PDZD2: variants seen among roughly 807,000 people sequenced by gnomAD.
PDZD2 encodes PDZ domain-containing protein 2.
Under a neutral mutation model 220.7 loss-of-function variants are expected in PDZD2, and 90 were observed. The observed-to-expected ratio is 0.41, with a 90% CI of 0.34 to 0.49. The LOEUF (loss-of-function observed/expected upper bound fraction) is 0.49, where lower values mean the gene tolerates loss of function less well. Among genes scored for constraint, PDZD2 ranks in the 20% least tolerant of loss-of-function variants. The pLI is 0.28. For missense variants in PDZD2, 3,174 were observed against 3,608.5 expected, an observed-to-expected ratio of 0.88 and a Z score of 3.08; for synonymous variants, 1,375 against 1,450.5, an observed-to-expected ratio of 0.95 and a Z score of 1.18.
At chr5:32,050,802 TAGAGTG>T (rs766522205) in intron 8 of PDZD2, among the ~76,000 whole-genome samples, 9 of 152,164 alleles carry the variant, frequency 5.9e-5, no homozygotes, top group Non-Finnish European at 1.3e-4. Flanking sequence ...GCCTAGGTGA[TAGAGTG>T]AGAGACTCTG....
At chr5:31,868,947 A>G (rs1390046392) in intron 2 of PDZD2, among the ~76,000 whole-genome samples, 1 of 151,020 alleles carries the variant, frequency 6.6e-6, no homozygotes, top group East Asian at 1.9e-4. Flanking sequence ...TAATTTTTGT[A>G]TTTTTAGCAG....
intron 7 of PDZD2, among the ~76,000 whole-genome samples, chr5:32,046,254 T>A (rs1737950481): frequency 6.6e-6 from 1 of 152,068 alleles, no homozygotes; most frequent in African/African-American, 2.4e-5. Flanking sequence ...TTTGTTTTTG[T>A]TTTTTTGAGA....
chr5:31,885,726 C>T (rs1740399100), intron 2 of PDZD2, among the ~76,000 whole-genome samples: 1 of 151,916 alleles, frequency 6.6e-6, no homozygotes, highest in Non-Finnish European at 1.5e-5. Context: ...CACTATGTAG[C>T]CATTAAGTCA....
intron 1 of PDZD2, among the ~76,000 whole-genome samples, chr5:31,642,347 C>G (rs1744980164): frequency 6.6e-6 from 1 of 152,058 alleles, no homozygotes; most frequent in Non-Finnish European, 1.5e-5. Context: ...GCAGACAAGC[C>G]CATGAGAGAG....
chr5:31,925,684 G>A (rs1744691467), intron 2 of PDZD2, among the ~76,000 whole-genome samples: 1 of 150,680 alleles, frequency 6.6e-6, no homozygotes, highest in Admixed American at 6.6e-5. Flanking sequence ...CACGGAATGG[G>A]ATAAAATATT....
intron 2 of PDZD2, among the ~76,000 whole-genome samples, chr5:31,975,756 A>C (rs1749691864): frequency 1.3e-5 from 2 of 149,318 alleles, no homozygotes; most frequent in Admixed American, 6.7e-5. Context: ...GATTATCTTC[A>C]GGAAAGGTAT....
chr5:31,897,320 T>C (rs1026230979), intron 2 of PDZD2, among the ~76,000 whole-genome samples: 59 of 152,306 alleles, frequency 3.9e-4, no homozygotes, highest in African/African-American at 1.2e-3. Context: ...AATTGTGTTC[T>C]GCTCCTAGAG....
chr5:31,883,786 G>C (rs1200256938), intron 2 of PDZD2, among the ~76,000 whole-genome samples: 1 of 152,082 alleles, frequency 6.6e-6, no homozygotes, highest in Non-Finnish European at 1.5e-5. Flanking sequence ...ATTTTTAGTA[G>C]GGGTGAGGTT....
At position 31,755,400 on chromosome 5, in the gene PDZD2, G is replaced by T. The variant is rs191582126; in HGVS notation, c.-360-43489G>T. Reference sequence around the variant, plus strand: ...GCCATTTTAACCGGCATTTCGGGGTGGGGGGCGGTGGCGCTTGCACAGTTT... The same window carrying T: ...GCCATTTTAACCGGCATTTCGGGGTTGGGGGCGGTGGCGCTTGCACAGTTT... On this transcript the variant is annotated intron_variant, in intron 1 of 24. Coordinates refer to ENST00000438447, the MANE Select transcript of PDZD2 (RefSeq NM_178140.4). Among the ~76,000 whole-genome samples the T allele has an allele frequency of 3.5e-4, 54 of 152,296 alleles. No homozygotes were observed. The East Asian group carries it at 0.01, about 28-fold the overall frequency.
chr5:31,682,009 T>A (rs1447418807), intron 1 of PDZD2, among the ~76,000 whole-genome samples: 1 of 152,142 alleles, frequency 6.6e-6, no homozygotes, highest in Non-Finnish European at 1.5e-5. Context: ...AGGGCTGTAA[T>A]TTTTTTTGGA....
At chr5:31,733,556 G>C (rs544688405) in intron 1 of PDZD2, among the ~76,000 whole-genome samples, 2 of 152,142 alleles carry the variant, frequency 1.3e-5, no homozygotes, top group Admixed American at 6.6e-5. Flanking sequence ...AGTCTATTCT[G>C]GGACTTTTTC....
chr5:31,817,907 G>T (rs7701726), intron 2 of PDZD2, among the ~76,000 whole-genome samples: 4,026 of 150,312 alleles, frequency 0.027, 181 homozygotes, highest in African/African-American at 0.093. Context: ...CAGGTGATCC[G>T]CCTGCCTTGG....
chr5:32,048,422 G>A (rs1172110234), intron 7 of PDZD2, 117 bp from the exon 8 acceptor site: 16 of 788,772 alleles, frequency 2.0e-5, no homozygotes, highest in South Asian at 9.9e-5. Context: ...TGTATTGGAC[G>A]CTAGGCTTCT....
intron 2 of PDZD2, among the ~76,000 whole-genome samples, chr5:31,965,222 G>A (rs548115293): frequency 6.6e-6 from 1 of 152,218 alleles, no homozygotes; most frequent in Non-Finnish European, 1.5e-5. Flanking sequence ...TACAGAGACG[G>A]AGGAGAGCTC....
chr5:32,012,508 C>T (rs1421116495), intron 6 of PDZD2, among the ~76,000 whole-genome samples: 1 of 152,048 alleles, frequency 6.6e-6, no homozygotes, highest in Non-Finnish European at 1.5e-5. Flanking sequence ...CTCAGCCTCC[C>T]GAGTAGCTGG....
intron 2 of PDZD2, among the ~76,000 whole-genome samples, chr5:31,885,218 C>A (rs1260599184): frequency 6.9e-6 from 1 of 145,340 alleles, no homozygotes; most frequent in African/African-American, 2.6e-5. Context: ...CAGAGAAATG[C>A]CAATCAAAGC....
chr5:31,759,285 TGGTAGTGCACACACACCC>T (rs1309545821), intron 1 of PDZD2, among the ~76,000 whole-genome samples: 1 of 152,176 alleles, frequency 6.6e-6, no homozygotes, highest in Non-Finnish European at 1.5e-5. Flanking sequence ...TTTGAACAGC[TGGTAGTGCACACACACCC>T]GGCTCTTCGA....
chr5:31,897,843 TCTC>T (rs1351244823), intron 2 of PDZD2, among the ~76,000 whole-genome samples: 1 of 151,976 alleles, frequency 6.6e-6, no homozygotes, highest in African/African-American at 2.4e-5. Flanking sequence ...TTCAAGCAAT[TCTC>T]CTGCCTCAGC....
In PDZD2 at chr5:32,088,417, A is replaced by G; in HGVS notation, c.4969A>G (p.Thr1657Ala). 2 of 1,613,884 alleles carry G rather than the reference A, an allele frequency of 1.2e-6. No homozygotes were observed. The highest frequency in any genetic ancestry group is 1.7e-6 in the Non-Finnish European group (2 of 1,179,974). Residue 1657 changes from threonine (T) to alanine (A), a missense_variant, in exon 20 of 25, where the codon ACT becomes GCT. Physicochemically the swap from Thr to Ala is moderately conservative, Grantham distance 58 (BLOSUM62 0). Around this residue, in one of 4 missense-constraint regions of PDZD2, gnomAD observed 1,861 missense variants for 2,001.0 expected, o/e 0.93. Transcript: ENST00000438447. The surrounding 1 kb of genome is among the most constrained non-coding windows in gnomAD (Gnocchi z 4.6). ...GGCCGCCTGCTTGCCAGGCTCATACACTTCAGGCCCAGACTCTTCCCAGCC... is the reference window on the plus strand; with the variant it reads ...GGCCGCCTGCTTGCCAGGCTCATACGCTTCAGGCCCAGACTCTTCCCAGCC... Reference protein sequence around the residue: ...EKAACLPGSYTSGPDSSQPSS... With the variant: ...EKAACLPGSYASGPDSSQPSS...
Sources: allele counts gnomAD v4.1 joint callset (sites outside exome capture counted in the v4.1 genomes callset), GRCh38; gene constraint gnomAD v4.1.1; regional missense constraint gnomAD v4.1.1; non-coding constraint Gnocchi (gnomAD v3.1); transcripts MANE v1.5; gene names NCBI Gene and HGNC (gene_info 2026-07-23, HGNC 2026-07-21).